WDR59: variants seen among roughly 807,000 people sequenced by gnomAD.
WDR59 encodes the protein WD repeat domain 59.
WDR59 carries 100 observed loss-of-function variants against 131.2 expected under a neutral mutation model. That is an observed-to-expected ratio of 0.76 (90% CI 0.65 to 0.90). The LOEUF (loss-of-function observed/expected upper bound fraction) is 0.90, where lower values mean the gene tolerates loss of function less well. Ranked by LOEUF, WDR59 falls within the 40% of genes least tolerant of loss-of-function variation. The pLI is 0.00. For missense variants in WDR59, 1,203 were observed against 1,262.2 expected (o/e 0.95, Z 0.71); for synonymous variants, 601 against 466.2 (o/e 1.29, Z -3.72).
At chr16:74,939,825 C>A (rs1469540597) in intron 7 of WDR59, among the ~76,000 whole-genome samples, 2 of 151,654 alleles carry the variant, frequency 1.3e-5, no homozygotes, top group Admixed American at 1.3e-4. Context: ...CCCATCTCTA[C>A]AAGAAAAAAA....
intron 1 of WDR59, 67 bp from the exon 2 acceptor site, chr16:74,965,889 T>G: frequency 1.9e-6 from 3 of 1,563,550 alleles, no homozygotes; most frequent in Non-Finnish European, 2.6e-6. Flanking sequence ...CAGAGGTCTC[T>G]GTGGCTCTTC....
rs551048962 is a variant in WDR59 at position 74,967,587 on chromosome 16, G to T, written c.55-1765C>A. Among the ~76,000 whole-genome samples the T allele has an allele frequency of 8.3e-4, 126 of 152,246 alleles. 1 individual carries two copies. The highest frequency in any genetic ancestry group is 2.9e-3 in the African/African-American group (120 of 41,562). On this transcript the variant is annotated intron_variant, in intron 1 of 25. Transcript: ENST00000262144. ...CTTAAGATAGAACTCGGCTGGGCGC[G>T]GCGGCTCATGCCTGTAATCCTGGCA... is the stretch of plus-strand genomic sequence containing the variant.
chr16:74,983,812 CA>C (rs927692134), intron 1 of WDR59, among the ~76,000 whole-genome samples: 2 of 150,374 alleles, frequency 1.3e-5, no homozygotes, highest in East Asian at 1.9e-4. Flanking sequence ...CCCGTCTCTA[CA>C]AAAAAAAATG....
At chr16:74,916,932 A>G (rs374301172) in intron 11 of WDR59, among the ~76,000 whole-genome samples, 1 of 152,320 alleles carries the variant, frequency 6.6e-6, no homozygotes, top group East Asian at 1.9e-4. Context: ...AACAGATTGA[A>G]AATGCAATAA....
chr16:74,888,141 A>G (rs1486708253), intron 22 of WDR59, 28 bp downstream of exon 22: 1 of 1,544,554 alleles, frequency 6.5e-7, no homozygotes, highest in East Asian at 2.3e-5. Context: ...AAAAAAAATC[A>G]GACAAAACCA....
chr16:74,969,511 T>A (rs2145208747), intron 1 of WDR59, among the ~76,000 whole-genome samples: 1 of 152,058 alleles, frequency 6.6e-6, no homozygotes, highest in South Asian at 2.1e-4. Context: ...GACCCTGTGA[T>A]CCACCCACCT....
chr16:74,940,375 T>G (rs1274115317), intron 7 of WDR59, among the ~76,000 whole-genome samples: 1 of 143,778 alleles, frequency 7.0e-6, no homozygotes, highest in African/African-American at 2.6e-5. Flanking sequence ...TGAGACTCTG[T>G]CTCCCAAAAA....
intron 17 of WDR59, chr16:74,908,706 G>A: frequency 2.1e-6 from 1 of 468,602 alleles, no homozygotes; most frequent in East Asian, 3.4e-5. Context: ...CTCTTCTAAT[G>A]GTTTGGTAAT....
intron 3 of WDR59, among the ~76,000 whole-genome samples, chr16:74,955,499 G>C (rs2033243948): frequency 6.6e-6 from 1 of 152,274 alleles, no homozygotes; most frequent in East Asian, 1.9e-4. Flanking sequence ...ACTCAGGAAA[G>C]AGGCCTGAGA....
intron 1 of WDR59, among the ~76,000 whole-genome samples, chr16:74,972,895 A>G (rs555655407): frequency 4.6e-5 from 7 of 151,480 alleles, no homozygotes; most frequent in Non-Finnish European, 8.8e-5. Flanking sequence ...ACTGATTATT[A>G]AAAGGGTCCG....
At chr16:74,955,835 GAATAC>G (rs1276351800) in intron 3 of WDR59, among the ~76,000 whole-genome samples, 1 of 152,000 alleles carries the variant, frequency 6.6e-6, no homozygotes, top group African/African-American at 2.4e-5. Context: ...CATTATTCTA[GAATAC>G]AATGTGACAC....
intron 3 of WDR59, among the ~76,000 whole-genome samples, chr16:74,952,548 T>A (rs2033067817): frequency 6.6e-6 from 1 of 151,520 alleles, no homozygotes. Context: ...TGCCTGTATT[T>A]AATTTCTTAA....
intron 1 of WDR59, among the ~76,000 whole-genome samples, chr16:74,972,479 T>C (rs1464544812): frequency 6.6e-6 from 1 of 152,038 alleles, no homozygotes; most frequent in Admixed American, 6.6e-5. Context: ...AGGCATAAAA[T>C]GGAGGTAGCC....
At chr16:74,904,990 A>G (rs1965727010) in intron 17 of WDR59, among the ~76,000 whole-genome samples, 1 of 152,282 alleles carries the variant, frequency 6.6e-6, no homozygotes, top group Non-Finnish European at 1.5e-5. Context: ...CATTACATGC[A>G]AAAATTAATT....
At chr16:74,943,121 G>A (rs181290631) in intron 6 of WDR59, among the ~76,000 whole-genome samples, 1 of 152,300 alleles carries the variant, frequency 6.6e-6, no homozygotes, top group East Asian at 1.9e-4. Flanking sequence ...CAGAGCAGTA[G>A]TTGAGCATGG....
Position 74,886,246 on chromosome 16 carries a change from G to A in WDR59, c.2546+24C>T, listed in dbSNP as rs778885700. On this transcript the variant is annotated intron_variant, in intron 24 of 25. Coordinates refer to ENST00000262144, the MANE Select transcript of WDR59 (RefSeq NM_030581.4). ...TCCTGCCTGGAGTCCTGGCATTGCA[G>A]CTCTCACCTGGGAGGGTGGTTACCT... 4.2e-5 allele frequency: 68 copies of A among 1,609,226 alleles called. 1 individual carries two copies. In the South Asian group the frequency reaches 5.7e-4, roughly 14 times the overall value.
intron 18 of WDR59, among the ~76,000 whole-genome samples, chr16:74,897,806 T>C (rs1223808215): frequency 6.6e-6 from 1 of 152,210 alleles, no homozygotes; most frequent in East Asian, 1.9e-4. Context: ...ATACTGTCAC[T>C]GTCGGTTTTT....
chr16:74,920,526 AAGTAGCTGGGAC>A (rs1437604396), intron 10 of WDR59, among the ~76,000 whole-genome samples: 1 of 152,124 alleles, frequency 6.6e-6, no homozygotes. Context: ...TCAGCCTCCG[AAGTAGCTGGGAC>A]TACAGGCATG....
At position 74,893,797 on chromosome 16, in the gene WDR59, T is replaced by G. The variant is rs780775220; in HGVS notation, c.1882A>C (p.Lys628Gln). Residue 628 changes from lysine (K) to glutamine (Q), a missense_variant, in exon 19 of 26, where the codon AAA becomes CAA. Coordinates refer to ENST00000262144, the MANE Select transcript of WDR59 (RefSeq NM_030581.4). ...GAGTCTGATCCCTCACGCTTACTTTTCCATCGTCTTGATTTCTAGGGGTAG... is the reference window on the plus strand; with the variant it reads ...GAGTCTGATCCCTCACGCTTACTTTGCCATCGTCTTGATTTCTAGGGGTAG... ...YYKERKSRRW[K>Q]SKREGSDSGN... is the part of the protein sequence containing the mutation. 1 of 1,614,094 alleles carries G rather than the reference T, an allele frequency of 6.2e-7. No homozygotes were observed. The highest frequency in any genetic ancestry group is 8.5e-7 in the Non-Finnish European group (1 of 1,180,008).
Sources: gnomAD v4.1 joint callset for allele counts (sites outside exome capture counted in the v4.1 genomes callset) on GRCh38, gnomAD v4.1.1 for gene constraint, MANE v1.5 for transcripts, NCBI Gene and HGNC (gene_info 2026-07-23, HGNC 2026-07-21) for gene names.